The following PCDH15 variants were observed in gnomAD, a reference collection of about 807,000 sequenced individuals.
The protein encoded by PCDH15 is protocadherin-15.
PCDH15 carries 129 observed loss-of-function variants against 178.5 expected under a neutral mutation model. The ratio of observed to expected loss-of-function variants is 0.72; its 90% CI spans 0.63 to 0.84. The LOEUF (loss-of-function observed/expected upper bound fraction) is 0.84. Ranked by LOEUF, PCDH15 falls within the 40% of genes least tolerant of loss-of-function variation. The probability of loss-of-function intolerance (pLI) is 0.00; values close to 1 mark genes in which losing one functional copy is unlikely to be tolerated. For missense variants in PCDH15, 2,230 were observed against 2,099.9 expected (o/e 1.06, Z -1.21); for synonymous variants, 800 against 732.0 (o/e 1.09, Z -1.50).
intron 2 of PCDH15, among the ~76,000 whole-genome samples, chr10:55,488,431 G>C (rs1430593398): frequency 6.6e-6 from 1 of 151,498 alleles, no homozygotes; most frequent in Non-Finnish European, 1.5e-5. Flanking sequence ...TAGCAAGTTA[G>C]GTAGTCATGT....
intron 26 of PCDH15, among the ~76,000 whole-genome samples, chr10:53,876,780 T>C (rs1453407210): frequency 6.6e-6 from 1 of 152,122 alleles, no homozygotes; most frequent in Non-Finnish European, 1.5e-5. Flanking sequence ...TTTTGTAGAG[T>C]TAAGTAAAAG....
chr10:53,846,151 G>A (rs937341880), intron 28 of PCDH15, among the ~76,000 whole-genome samples: 8 of 151,800 alleles, frequency 5.3e-5, no homozygotes, highest in African/African-American at 1.7e-4. Context: ...AATCAAGTAT[G>A]AAGCAAAACA....
chr10:54,772,889 G>A (rs1051568932), intron 1 of PCDH15, among the ~76,000 whole-genome samples: 2 of 152,178 alleles, frequency 1.3e-5, no homozygotes, highest in African/African-American at 4.8e-5. Context: ...TGATAGACTG[G>A]AGAAGGAAAA....
intron 10 of PCDH15, among the ~76,000 whole-genome samples, chr10:54,198,441 G>A (rs2049890755): frequency 6.7e-6 from 1 of 148,792 alleles, no homozygotes; most frequent in Non-Finnish European, 1.5e-5. Flanking sequence ...ATTTTGAACA[G>A]ATTTTTTTCT....
chr10:54,483,537 C>T (rs984956347), intron 3 of PCDH15, among the ~76,000 whole-genome samples: 6 of 151,536 alleles, frequency 4.0e-5, no homozygotes, highest in Non-Finnish European at 7.4e-5. Flanking sequence ...AATTGAGATT[C>T]TCAGTGAGGT....
intron 2 of PCDH15, among the ~76,000 whole-genome samples, chr10:54,959,055 A>G (rs764997146): frequency 1.4e-4 from 21 of 151,840 alleles, no homozygotes; most frequent in Non-Finnish European, 2.8e-4. Flanking sequence ...TAAAATAACT[A>G]TAAGTGAGTA....
intron 2 of PCDH15, among the ~76,000 whole-genome samples, chr10:55,131,878 G>A (rs1331771095): frequency 1.3e-5 from 2 of 152,160 alleles, no homozygotes; most frequent in Non-Finnish European, 2.9e-5. Flanking sequence ...CTGCAGAACT[G>A]ACAGCCTGGT....
At chr10:54,385,537 G>A (rs567339013) in intron 3 of PCDH15, among the ~76,000 whole-genome samples, 16 of 152,046 alleles carry the variant, frequency 1.1e-4, no homozygotes, top group South Asian at 2.1e-4. Context: ...AGTGCCTATC[G>A]TAGAAAAACA....
intron 3 of PCDH15, among the ~76,000 whole-genome samples, chr10:54,507,547 T>C (rs1181339594): frequency 3.3e-5 from 5 of 151,860 alleles, no homozygotes; most frequent in African/African-American, 1.2e-4. Flanking sequence ...GCAGCTAATA[T>C]TTATTAGATT....
intron 2 of PCDH15, among the ~76,000 whole-genome samples, chr10:55,544,820 G>T (rs1219065642): frequency 6.6e-6 from 1 of 152,098 alleles, no homozygotes; most frequent in Non-Finnish European, 1.5e-5. Context: ...ACACCAGATT[G>T]CCTAGAACAG....
intron 1 of PCDH15, among the ~76,000 whole-genome samples, chr10:55,307,828 T>A (rs1843471731): frequency 6.6e-6 from 1 of 152,030 alleles, no homozygotes; most frequent in African/African-American, 2.4e-5. Context: ...CTACTAATTA[T>A]TTTTGATTTT....
At position 53,917,451 on chromosome 10, in the gene PCDH15, T is replaced by C. The variant is rs79199685; in HGVS notation, c.3374-14081A>G. Among the ~76,000 whole-genome samples, 6 of 152,240 alleles carry C rather than the reference T, an allele frequency of 3.9e-5. No homozygotes were observed. In the East Asian group the frequency reaches 1.2e-3, roughly 29 times the overall value. On this transcript the variant is annotated intron_variant, in intron 25 of 37. Transcript: ENST00000644397. ...AATAAAAAAAGATGAATAAATTTACTAAAATAAATAAACAAGCTAACAGAA... is the reference window on the plus strand; with the variant it reads ...AATAAAAAAAGATGAATAAATTTACCAAAATAAATAAACAAGCTAACAGAA...
intron 21 of PCDH15, among the ~76,000 whole-genome samples, chr10:53,992,333 C>T: frequency 6.6e-6 from 1 of 152,202 alleles, no homozygotes; most frequent in Admixed American, 6.5e-5. Context: ...GTGCGACAGT[C>T]TGCGGCTTCC....
At chr10:54,188,299 A>C (rs2048658065) in intron 11 of PCDH15, among the ~76,000 whole-genome samples, 1 of 151,880 alleles carries the variant, frequency 6.6e-6, no homozygotes, top group Admixed American at 6.6e-5. Flanking sequence ...CAACTCTTTT[A>C]ATCATGTTAG....
chr10:55,559,485 T>C (rs756063938), intron 2 of PCDH15, among the ~76,000 whole-genome samples: 1 of 151,996 alleles, frequency 6.6e-6, no homozygotes, highest in African/African-American at 2.4e-5. Context: ...TGCGGAATAT[T>C]AGCATGTCAT....
At chr10:53,947,903 G>T (rs955313753) in intron 23 of PCDH15, among the ~76,000 whole-genome samples, 2 of 152,080 alleles carry the variant, frequency 1.3e-5, no homozygotes, top group Non-Finnish European at 2.9e-5. Context: ...GCAATCTAAG[G>T]TGTTTGGTTT....
intron 2 of PCDH15, chr10:54,600,821 T>C (rs2092486062): frequency 8.1e-6 from 3 of 371,968 alleles, no homozygotes. Flanking sequence ...GGAGACTGCA[T>C]GCAAGCTCAG....
chr10:53,898,237 G>GATTAC (rs1297746725), intron 26 of PCDH15, among the ~76,000 whole-genome samples: 2 of 152,138 alleles, frequency 1.3e-5, no homozygotes, highest in East Asian at 3.9e-4. Flanking sequence ...AAAGTGCTGG[G>GATTAC]ATTACAGGCA....
chr10:54,264,545 C>G (rs4554787), intron 8 of PCDH15, among the ~76,000 whole-genome samples: 3,254 of 152,150 alleles, frequency 0.021, 117 homozygotes, highest in African/African-American at 0.072. Context: ...TGAAAGACAA[C>G]ATAGCTATAT....
Sources: gnomAD v4.1 joint callset for allele counts (sites outside exome capture counted in the v4.1 genomes callset) on GRCh38, gnomAD v4.1.1 for gene constraint, MANE v1.5 for transcripts, NCBI Gene and HGNC (gene_info 2026-07-23, HGNC 2026-07-21) for gene names.